The following CREB5 variants were observed in gnomAD, a reference collection of about 807,000 sequenced individuals.
CREB5 encodes the protein cyclic AMP-responsive element-binding protein 5.
Under a neutral mutation model 57.1 loss-of-function variants are expected in CREB5, and 19 were observed. The observed-to-expected ratio is 0.33, with a 90% CI of 0.23 to 0.49. The LOEUF is 0.49. CREB5 is among the 20% of genes least tolerant of loss of function. The pLI is 0.99. For missense variants in CREB5, 579 were observed against 671.6 expected (o/e 0.86, Z 1.52); for synonymous variants, 238 against 238.3 (o/e 1.00, Z 0.01).
Position 28,819,311 on chromosome 7 carries a change from G to C in CREB5, c.*32G>C. On this transcript the variant is annotated 3_prime_UTR_variant, in exon 11 of 11. Coordinates refer to ENST00000357727, the MANE Select transcript of CREB5 (RefSeq NM_182898.4). ...CCATCAGACCTGGCCTCCAAGAAGA[G>C]CTGTAGCGTACCATGCGTCCTTTCT... 6.2e-7 allele frequency: 1 copy of C among 1,604,376 alleles called. No homozygotes were observed. The highest frequency in any genetic ancestry group is 8.5e-7 in the Non-Finnish European group (1 of 1,175,190).
chr7:28,352,834 T>C (rs1232303431), intron 1 of CREB5, among the ~76,000 whole-genome samples: 2 of 152,210 alleles, frequency 1.3e-5, no homozygotes, highest in Non-Finnish European at 2.9e-5. Flanking sequence ...AACTGAGTCT[T>C]GGAATGGTTC....
chr7:28,591,511 C>T (rs1376140401), intron 5 of CREB5, among the ~76,000 whole-genome samples: 2 of 152,134 alleles, frequency 1.3e-5, no homozygotes, highest in East Asian at 3.9e-4. Context: ...GGAGGAAGTT[C>T]AGCTCTTCCT....
At chr7:28,545,320 C>T (rs1033304401) in intron 4 of CREB5, among the ~76,000 whole-genome samples, 15 of 152,206 alleles carry the variant, frequency 9.9e-5, no homozygotes, top group Non-Finnish European at 7.3e-5. Context: ...ACTTGGGGAT[C>T]GCATATCTTT....
At chr7:28,560,969 T>TGTGTGCACGTGTGCGTGCGTGCGC (rs1795220197) in intron 4 of CREB5, among the ~76,000 whole-genome samples, 2 of 24,954 alleles carry the variant, frequency 8.0e-5, no homozygotes, top group African/African-American at 2.1e-4. Flanking sequence ...TGCGTGTGTG[T>TGTGTGCACGTGTGCGTGCGTGCGC]GTGCGTGTGT....
At chr7:28,804,911 C>T (rs1231972195) in intron 8 of CREB5, among the ~76,000 whole-genome samples, 1 of 152,156 alleles carries the variant, frequency 6.6e-6, no homozygotes, top group East Asian at 1.9e-4. Flanking sequence ...AACCCTGGTT[C>T]TAGCTGCTAT....
intron 4 of CREB5, among the ~76,000 whole-genome samples, chr7:28,526,391 G>A (rs370005603): frequency 3.3e-5 from 5 of 152,164 alleles, no homozygotes; most frequent in African/African-American, 9.7e-5. Context: ...AGAAGTCCCC[G>A]TGGGACAAAT....
chr7:28,768,284 T>C (rs1806117907), intron 7 of CREB5, among the ~76,000 whole-genome samples: 1 of 152,126 alleles, frequency 6.6e-6, no homozygotes, highest in Admixed American at 6.5e-5. Flanking sequence ...GGATACCATT[T>C]AAGGAGGGGA....
chr7:28,335,036 C>A (rs990661319), intron 1 of CREB5, among the ~76,000 whole-genome samples: 5 of 152,118 alleles, frequency 3.3e-5, no homozygotes, highest in Non-Finnish European at 7.4e-5. Flanking sequence ...TTTATGGGTT[C>A]TCTATTCTGT....
intron 1 of CREB5, among the ~76,000 whole-genome samples, chr7:28,431,429 G>C (rs1167805684): frequency 6.6e-6 from 1 of 152,114 alleles, no homozygotes; most frequent in East Asian, 1.9e-4. Context: ...AGATAGACAA[G>C]GAAAATTGGC....
At chr7:28,755,953 G>C (rs1483747708) in intron 7 of CREB5, among the ~76,000 whole-genome samples, 3 of 152,092 alleles carry the variant, frequency 2.0e-5, no homozygotes, top group African/African-American at 7.2e-5. Context: ...GATAGTCCCG[G>C]GGTAGGGTGG....
At chr7:28,765,969 G>A (rs1023026799) in intron 7 of CREB5, among the ~76,000 whole-genome samples, 10 of 152,174 alleles carry the variant, frequency 6.6e-5, no homozygotes, top group African/African-American at 2.2e-4. Flanking sequence ...GGTGCGGCAG[G>A]GAAAAGCAAG....
chr7:28,797,870 T>C (rs1291549498), intron 7 of CREB5, among the ~76,000 whole-genome samples: 3 of 152,138 alleles, frequency 2.0e-5, no homozygotes, highest in African/African-American at 7.2e-5. Flanking sequence ...GAAGGCTTCA[T>C]GCAGTGAAGG....
chr7:28,355,358 A>C (rs1455774382), intron 1 of CREB5, among the ~76,000 whole-genome samples: 1 of 152,318 alleles, frequency 6.6e-6, no homozygotes, highest in Middle Eastern at 3.4e-3. Flanking sequence ...AACAAAGTCC[A>C]TTTGGCCTGT....
chr7:28,331,894 T>C (rs1242091777), intron 1 of CREB5, among the ~76,000 whole-genome samples: 4 of 151,846 alleles, frequency 2.6e-5, no homozygotes, highest in Non-Finnish European at 5.9e-5. Context: ...ATTTTAATTA[T>C]TTGCTTAGTC....
intron 7 of CREB5, among the ~76,000 whole-genome samples, chr7:28,771,882 G>C (rs1806345591): frequency 6.6e-6 from 1 of 152,132 alleles, no homozygotes; most frequent in African/African-American, 2.4e-5. Context: ...GGTTTAGTAA[G>C]TGTGCTCCAT....
At chr7:28,397,159 G>A (rs1256599072) in intron 1 of CREB5, among the ~76,000 whole-genome samples, 1 of 152,074 alleles carries the variant, frequency 6.6e-6, no homozygotes, top group Admixed American at 6.5e-5. Flanking sequence ...TCCAACACAT[G>A]GATTGAAAAA....
chr7:28,654,616 G>T (rs1799265383), intron 5 of CREB5, among the ~76,000 whole-genome samples: 1 of 152,184 alleles, frequency 6.6e-6, no homozygotes, highest in South Asian at 2.1e-4. Flanking sequence ...TTGTAAGTTT[G>T]CAGAACAGGG....
intron 5 of CREB5, among the ~76,000 whole-genome samples, chr7:28,682,338 G>A (rs183937822): frequency 3.3e-5 from 5 of 152,308 alleles, no homozygotes; most frequent in Non-Finnish European, 2.9e-5. Context: ...GTGAAAACAC[G>A]GGACACCCAG....
intron 5 of CREB5, among the ~76,000 whole-genome samples, chr7:28,581,327 G>C (rs1387730776): frequency 6.6e-6 from 1 of 152,234 alleles, no homozygotes; most frequent in Non-Finnish European, 1.5e-5. Flanking sequence ...GGATCTCAGA[G>C]AAAGTGTGGC....
Sources: allele counts gnomAD v4.1 joint callset (sites outside exome capture counted in the v4.1 genomes callset), GRCh38; gene constraint gnomAD v4.1.1; transcripts MANE v1.5; gene names NCBI Gene and HGNC (gene_info 2026-07-23, HGNC 2026-07-21).